Variants in NKAIN2 observed in about 807,000 individuals in gnomAD.
NKAIN2 encodes the protein sodium/potassium transporting ATPase interacting 2.
A neutral mutation model predicts 32.6 loss-of-function variants in NKAIN2; 14 were observed. The observed-to-expected ratio is 0.43, with a 90% CI of 0.28 to 0.67. The LOEUF is 0.67. NKAIN2 is among the 30% of genes least tolerant of loss of function. The pLI, the probability that NKAIN2 is intolerant of heterozygous loss-of-function variation, is 0.17. For synonymous variants in NKAIN2, 80 were observed against 87.2 expected, an observed-to-expected ratio of 0.92 and a Z score of 0.46; for missense variants, 198 against 258.3, an observed-to-expected ratio of 0.77 and a Z score of 1.60.
chr6:124,348,463 T>A (rs1435267915), intron 2 of NKAIN2, among the ~76,000 whole-genome samples: 1 of 152,222 alleles, frequency 6.6e-6, no homozygotes, highest in Non-Finnish European at 1.5e-5. Flanking sequence ...CAGGCAGGCC[T>A]CCTTGAGCTG....
chr6:124,406,386 C>G (rs1305566367), intron 3 of NKAIN2, among the ~76,000 whole-genome samples: 1 of 151,954 alleles, frequency 6.6e-6, no homozygotes, highest in South Asian at 2.1e-4. Flanking sequence ...GAGATTTGTC[C>G]ATGTTGCAGC....
intron 1 of NKAIN2, among the ~76,000 whole-genome samples, chr6:123,808,856 A>T (rs942128669): frequency 3.9e-5 from 6 of 152,216 alleles, no homozygotes; most frequent in African/African-American, 1.2e-4. Context: ...GAAGTCAGGG[A>T]TTCCTTAAAA....
chr6:124,139,136 C>T (rs1281212414), intron 1 of NKAIN2, among the ~76,000 whole-genome samples: 2 of 138,194 alleles, frequency 1.4e-5, no homozygotes, highest in Non-Finnish European at 3.0e-5. Context: ...GGCCGGACTG[C>T]GGACTGCAGT....
chr6:124,573,156 A>G (rs887635911), intron 3 of NKAIN2, among the ~76,000 whole-genome samples: 1 of 152,030 alleles, frequency 6.6e-6, no homozygotes, highest in Non-Finnish European at 1.5e-5. Context: ...TTATTTTTGA[A>G]CTGTGAATAG....
At chr6:124,550,558 G>A (rs570148839) in intron 3 of NKAIN2, among the ~76,000 whole-genome samples, 23 of 152,094 alleles carry the variant, frequency 1.5e-4, no homozygotes, top group Non-Finnish European at 2.4e-4. Context: ...TGGTGTGCTC[G>A]TTACTAGGGC....
intron 1 of NKAIN2, among the ~76,000 whole-genome samples, chr6:124,111,650 G>A (rs1348762528): frequency 6.6e-6 from 1 of 151,914 alleles, no homozygotes; most frequent in South Asian, 2.1e-4. Flanking sequence ...TGATTAGAGA[G>A]TTTAATCCAT....
chr6:123,826,498 A>G lies in NKAIN2; in HGVS notation c.54+22244A>G, dbSNP rs576986163. On this transcript the variant is annotated intron_variant, in intron 1 of 6. Coordinates refer to ENST00000368417, the MANE Select transcript of NKAIN2 (RefSeq NM_001040214.3). ...TTTTCCCAAACGGAAACCCTTTCCCATTGAACAGTAACTCACCATTCTCCC... is the reference window on the plus strand; with the variant it reads ...TTTTCCCAAACGGAAACCCTTTCCCGTTGAACAGTAACTCACCATTCTCCC... 2.7e-4 allele frequency among the ~76,000 whole-genome samples: 41 copies of G among 152,222 alleles called. No homozygotes were observed. The South Asian group carries it at 8.3e-3, about 31-fold the overall frequency.
intron 3 of NKAIN2, among the ~76,000 whole-genome samples, chr6:124,472,872 AAG>A (rs1777032567): frequency 6.6e-6 from 1 of 152,074 alleles, no homozygotes; most frequent in South Asian, 2.1e-4. Context: ...TATGTAAAGA[AAG>A]AGAATGTGTG....
chr6:123,976,327 TCCCATATATATATATG>T (rs1467066142), intron 1 of NKAIN2, among the ~76,000 whole-genome samples: 2,623 of 37,504 alleles, frequency 0.07, 581 homozygotes, highest in South Asian at 0.12. Flanking sequence ...ATATATATGT[TCCCATATATATATATG>T]TTCCCATATA....
rs902099585 is a variant in NKAIN2 at position 124,154,293 on chromosome 6, G to A, written c.55-128712G>A. ...ATCACTGGATATGTATCAAAGAAAT[G>A]TTTCTCAAGTCATGAGACTGTAAAA... On this transcript the variant is annotated intron_variant, in intron 1 of 6. Transcript: ENST00000368417. Among the ~76,000 whole-genome samples the A allele has an allele frequency of 9.9e-5, 15 of 151,946 alleles. No homozygotes were observed. The East Asian group carries it at 2.9e-3, about 29-fold the overall frequency.
intron 1 of NKAIN2, among the ~76,000 whole-genome samples, chr6:124,248,907 A>G (rs1793552744): frequency 6.6e-6 from 1 of 152,138 alleles, no homozygotes; most frequent in Non-Finnish European, 1.5e-5. Context: ...GATAGACATT[A>G]TATAACCTCA....
At chr6:124,304,758 C>T (rs1161065194) in intron 2 of NKAIN2, among the ~76,000 whole-genome samples, 2 of 151,578 alleles carry the variant, frequency 1.3e-5, no homozygotes, top group African/African-American at 4.8e-5. Context: ...TACTAAAATA[C>T]AAAAAATTAG....
chr6:124,033,111 A>T (rs777125408), intron 1 of NKAIN2, among the ~76,000 whole-genome samples: 1 of 152,134 alleles, frequency 6.6e-6, no homozygotes, highest in Non-Finnish European at 1.5e-5. Flanking sequence ...CAAAATGTAG[A>T]GAAAAGAGAG....
rs1483356932 is a variant in NKAIN2 at position 124,654,987 on chromosome 6, GT to G, written c.274-3197del. ...ATGGCAGCCCTAGCAAACTAATATA[GT>G]TACTGTATTAGAAAGAGGAGCTAAA... On this transcript the variant is annotated intron_variant, in intron 3 of 6. Coordinates refer to ENST00000368417, the MANE Select transcript of NKAIN2 (RefSeq NM_001040214.3). Among the ~76,000 whole-genome samples the G allele has an allele frequency of 3.3e-5, 5 of 152,200 alleles. No individual in the cohort carries two copies. In the East Asian group the frequency reaches 9.7e-4, roughly 29 times the overall value.
chr6:124,238,111 T>G (rs908289646), intron 1 of NKAIN2, among the ~76,000 whole-genome samples: 7 of 151,826 alleles, frequency 4.6e-5, no homozygotes, highest in African/African-American at 1.7e-4. Context: ...GGTTGGGAGT[T>G]CAGCACCACC....
intron 3 of NKAIN2, among the ~76,000 whole-genome samples, chr6:124,560,247 C>T (rs7761927): frequency 0.024 from 3,611 of 152,124 alleles, 135 homozygotes; most frequent in African/African-American, 0.08. Flanking sequence ...AGTCAGTTCT[C>T]TTGAGATTTG....
chr6:124,495,182 T>C (rs543402485), intron 3 of NKAIN2, among the ~76,000 whole-genome samples: 4 of 152,274 alleles, frequency 2.6e-5, no homozygotes, highest in African/African-American at 9.6e-5. Context: ...TCAAGTACAT[T>C]GACTGTCACC....
chr6:124,715,376 G>A (rs571375316), intron 4 of NKAIN2, among the ~76,000 whole-genome samples: 20 of 152,240 alleles, frequency 1.3e-4, no homozygotes, highest in Middle Eastern at 3.4e-3. Context: ...TTGTTCACGC[G>A]TCTTCTGACC....
intron 1 of NKAIN2, among the ~76,000 whole-genome samples, chr6:123,957,768 C>T (rs888442668): frequency 2.0e-5 from 3 of 151,826 alleles, no homozygotes; most frequent in Admixed American, 6.6e-5. Context: ...TAATGTATTA[C>T]CCAAAAAATC....
Sources: allele counts gnomAD v4.1 joint callset (sites outside exome capture counted in the v4.1 genomes callset), GRCh38; gene constraint gnomAD v4.1.1; transcripts MANE v1.5; gene names NCBI Gene and HGNC (gene_info 2026-07-23, HGNC 2026-07-21).